The following USP30 variants were observed in gnomAD, a reference collection of about 807,000 sequenced individuals.
USP30 encodes the protein ubiquitin specific peptidase 30.
Under a neutral mutation model 68.2 loss-of-function variants are expected in USP30, and 41 were observed. The observed-to-expected ratio is 0.60, with a 90% CI of 0.47 to 0.78. The LOEUF is 0.78. USP30 is among the 30% of genes least tolerant of loss of function. USP30 has a pLI of 0.00. For missense variants in USP30, 522 were observed against 649.4 expected (o/e 0.80, Z 2.13); for synonymous variants, 229 against 253.7 (o/e 0.90, Z 0.93).
At position 109,067,576 on chromosome 12, in the gene USP30, G is replaced by A. The variant is rs2135758041; in HGVS notation, c.429G>A (p.Leu143=). 1 of 1,614,200 alleles carries A rather than the reference G, an allele frequency of 6.2e-7. No homozygotes were observed. The highest frequency in any genetic ancestry group is 1.1e-5 in the South Asian group (1 of 91,090). Reference sequence around the variant, plus strand: ...ATGAGGTCTTAGATGCAAGCTGCTTGTTGGATGTCTTAAGAATGTACAGAT... The same window carrying A: ...ATGAGGTCTTAGATGCAAGCTGCTTATTGGATGTCTTAAGAATGTACAGAT... The part of the protein sequence containing the change: ...TDDEVLDASC[L]LDVLRMYRWQ... The change falls in exon 4 of 13, where the codon TTG becomes TTA. Residue 143 remains leucine, a synonymous_variant. Coordinates refer to ENST00000257548, the MANE Select transcript of USP30 (RefSeq NM_032663.5).
chr12:109,028,772 C>T (rs1202996574), intron 3 of USP30, among the ~76,000 whole-genome samples: 2 of 152,098 alleles, frequency 1.3e-5, no homozygotes, highest in Admixed American at 6.6e-5. Flanking sequence ...CCACCACACC[C>T]GACTACCACA....
chr12:109,042,974 A>T (rs1411806342), intron 3 of USP30, among the ~76,000 whole-genome samples: 1 of 152,210 alleles, frequency 6.6e-6, no homozygotes, highest in East Asian at 1.9e-4. Flanking sequence ...AATAATCTGA[A>T]AAAGAAGTGA....
chr12:109,042,650 A>G (rs916256540), intron 3 of USP30, among the ~76,000 whole-genome samples: 1 of 152,192 alleles, frequency 6.6e-6, no homozygotes, highest in Admixed American at 6.5e-5. Flanking sequence ...CATTATACTC[A>G]ATGGTGAGAG....
At chr12:109,026,658 G>A (rs933134861) in intron 2 of USP30, among the ~76,000 whole-genome samples, 2 of 151,266 alleles carry the variant, frequency 1.3e-5, no homozygotes, top group African/African-American at 4.9e-5. Context: ...TCTGGGGAAG[G>A]AGTCTCACTA....
intron 2 of USP30, 25 bp from the exon 3 acceptor site, chr12:109,057,901 C>T (rs1476012399): frequency 1.9e-6 from 3 of 1,607,020 alleles, no homozygotes; most frequent in South Asian, 2.2e-5. Flanking sequence ...ATACTGTTCT[C>T]TTCTTCCCCC....
chr12:109,063,244 C>T (rs1316531222), intron 3 of USP30, among the ~76,000 whole-genome samples: 3 of 152,042 alleles, frequency 2.0e-5, no homozygotes, highest in South Asian at 2.1e-4. Flanking sequence ...GGATGACAGG[C>T]GTGCACCACC....
intron 3 of USP30, among the ~76,000 whole-genome samples, chr12:109,045,681 C>A (rs535053679): frequency 1.6e-4 from 24 of 152,234 alleles, no homozygotes; most frequent in African/African-American, 5.3e-4. Context: ...CAGGGCAGTG[C>A]ATGTAGGTAC....
intron 7 of USP30, among the ~76,000 whole-genome samples, chr12:109,075,595 G>A (rs181469469): frequency 5.3e-5 from 8 of 152,218 alleles, no homozygotes; most frequent in South Asian, 2.1e-4. Context: ...CAAGTGATCC[G>A]CCTGTCTCGG....
At chr12:109,085,634 T>G (rs755673189) in intron 12 of USP30, 33 bp from the exon 13 acceptor site, 1 of 1,601,842 alleles carries the variant, frequency 6.2e-7, no homozygotes, top group Non-Finnish European at 8.5e-7. Flanking sequence ...TTGTTAAAAT[T>G]GTAAACCCCT....
At chr12:109,081,627 A>ATG (rs1566105584) in intron 8 of USP30, 21 of 116,786 alleles carry the variant, frequency 1.8e-4, no homozygotes, top group African/African-American at 1.3e-3. Context: ...ATGCGCGCAC[A>ATG]CACACACACA....
intron 3 of USP30, chr12:109,059,967 A>G (rs779601007): frequency 2.0e-5 from 3 of 152,282 alleles, no homozygotes; most frequent in Non-Finnish European, 4.4e-5. Context: ...GATATCAAAC[A>G]GAATCATTAA....
In USP30 at chr12:109,056,626, A is replaced by T. The variant is rs527290523; in HGVS notation, c.84-56A>T. On this transcript the variant is annotated intron_variant, in intron 1 of 12. Transcript: ENST00000257548. ...AAAATGTTATTCTGTCTATATCTGT[A>T]TATTTGCCTTTTGTGTTTGTGTGAG... 7.9e-6 allele frequency: 10 copies of T among 1,271,294 alleles called. No individual in the cohort carries two copies. The East Asian group carries it at 2.3e-4, about 30-fold the overall frequency. The allele number at this position is 1,271,294 out of a possible 1,614,324, so 78.8% of individuals were successfully genotyped here. A position where few individuals can be genotyped will look rare whatever the true frequency, so the allele number is the denominator to read the frequency against.
intron 7 of USP30, among the ~76,000 whole-genome samples, chr12:109,077,937 G>A (rs1429651173): frequency 6.6e-6 from 1 of 152,090 alleles, no homozygotes; most frequent in Non-Finnish European, 1.5e-5. Flanking sequence ...CAAAAGTATA[G>A]TTCTGTTACC....
chr12:109,072,270 G>C (rs779288538), intron 5 of USP30, 35 bp from the exon 6 acceptor site: 107 of 1,600,974 alleles, frequency 6.7e-5, no homozygotes, highest in Non-Finnish European at 8.8e-5. Flanking sequence ...TTATAGTAAG[G>C]TTTTCAGTCT....
chr12:109,075,699 G>A (rs971373713), intron 7 of USP30, among the ~76,000 whole-genome samples: 2 of 152,116 alleles, frequency 1.3e-5, no homozygotes, highest in African/African-American at 2.4e-5. Flanking sequence ...TGCGGTGATA[G>A]CTCTTTATGG....
At chr12:109,081,788 G>A in intron 8 of USP30, 145 bp from the exon 9 acceptor site, 1 of 809,288 alleles carries the variant, frequency 1.2e-6, no homozygotes, top group Non-Finnish European at 2.0e-6. Context: ...CCCCATGTTT[G>A]TCCAGGAAAC....
chr12:109,059,199 GT>G (rs2040979173), intron 3 of USP30, among the ~76,000 whole-genome samples: 1 of 151,850 alleles, frequency 6.6e-6, no homozygotes, highest in Non-Finnish European at 1.5e-5. Flanking sequence ...ACTTTTTTTT[GT>G]TTTTGTTTTT....
chr12:109,050,989 C>CAAA (rs528107876), upstream of USP30, among the ~76,000 whole-genome samples: 2 of 147,102 alleles, frequency 1.4e-5, no homozygotes, highest in Non-Finnish European at 3.0e-5. Flanking sequence ...GACTCCATCT[C>CAAA]AAAAAAAAAA....
chr12:109,031,058 C>A (rs2040477230), intron 3 of USP30, among the ~76,000 whole-genome samples: 1 of 151,800 alleles, frequency 6.6e-6, no homozygotes, highest in Admixed American at 6.6e-5. Flanking sequence ...TCCTGTAAAT[C>A]CAAAATTATT....
Sources: allele counts gnomAD v4.1 joint callset (sites outside exome capture counted in the v4.1 genomes callset), GRCh38; gene constraint gnomAD v4.1.1; transcripts MANE v1.5; gene names NCBI Gene and HGNC (gene_info 2026-07-23, HGNC 2026-07-21).